The following OTOGL variants were observed in gnomAD, a reference collection of about 807,000 sequenced individuals.
OTOGL encodes the protein otogelin like.
In OTOGL, 285 loss-of-function variants were observed where a neutral mutation model predicts 318.5. The observed-to-expected ratio is 0.89, with a 90% CI of 0.81 to 0.99. The LOEUF (loss-of-function observed/expected upper bound fraction) is 0.99, where lower values mean the gene tolerates loss of function less well. Ranked by LOEUF, OTOGL falls within the 50% of genes least tolerant of loss-of-function variation. The pLI, the probability that OTOGL is intolerant of heterozygous loss-of-function variation, is 0.00. For missense variants in OTOGL, 2,899 were observed against 2,845.6 expected (o/e 1.02, Z -0.43); for synonymous variants, 987 against 936.5 (o/e 1.05, Z -0.99).
Position 80,270,052 on chromosome 12 carries a change from A to G in OTOGL, c.2466-50A>G, listed in dbSNP as rs746274180. 2.7e-4 allele frequency: 386 copies of G among 1,411,864 alleles called. 3 individuals carry two copies. The African/African-American group carries it at 5.2e-3, about 19-fold the overall frequency. The allele number at this position is 1,411,864 out of a possible 1,614,324, so 87.5% of individuals were successfully genotyped here. A position where few individuals can be genotyped will look rare whatever the true frequency, so the allele number is the denominator to read the frequency against. ...TTGTTGTCGAAATTCAGGGAAAAAA[A>G]AAAAAACAACAGATTTGGTTCCATA... On this transcript the variant is annotated intron_variant, in intron 22 of 58. Transcript: ENST00000547103.
At chr12:80,172,908 G>A (rs1352118348) in intron 1 of OTOGL, among the ~76,000 whole-genome samples, 1 of 152,152 alleles carries the variant, frequency 6.6e-6, no homozygotes, top group Non-Finnish European at 1.5e-5. Context: ...ACACATGGTG[G>A]AGAACAACAC....
chr12:80,358,477 C>T lies in OTOGL; in HGVS notation c.6121+128C>T, dbSNP rs1452901621. 5 of 848,952 alleles carry T rather than the reference C, an allele frequency of 5.9e-6. No homozygotes were observed. The East Asian group carries it at 1.3e-4, about 23-fold the overall frequency. 52.6% of individuals were successfully genotyped at this position (848,952 alleles called of 1,614,324 possible). A position where few individuals can be genotyped will look rare whatever the true frequency, so the allele number is the denominator to read the frequency against. On this transcript the variant is annotated intron_variant, in intron 50 of 58. Coordinates refer to ENST00000547103, the MANE Select transcript of OTOGL (RefSeq NM_001378609.3). ...TTCATTTGATGAGCTATCCTAGCAC[C>T]AGTACTCTTTTTGTACCTGTTTATA...
At chr12:80,258,593 G>A (rs968699731) in intron 18 of OTOGL, among the ~76,000 whole-genome samples, 21 of 152,120 alleles carry the variant, frequency 1.4e-4, no homozygotes, top group African/African-American at 4.8e-4. Context: ...GTGAAAAGAA[G>A]CAGTTTATAA....
At chr12:80,176,163 G>T (rs1874510811) in intron 1 of OTOGL, among the ~76,000 whole-genome samples, 1 of 152,112 alleles carries the variant, frequency 6.6e-6, no homozygotes, top group Admixed American at 6.6e-5. Flanking sequence ...GAAGTTTTCA[G>T]GCTTTACTGC....
chr12:80,210,736 C>T (rs1877181981), intron 2 of OTOGL, 111 bp from the exon 3 acceptor site: 2 of 826,094 alleles, frequency 2.4e-6, no homozygotes, highest in South Asian at 2.6e-5. Flanking sequence ...TAACAGCAAA[C>T]TTCAATCAGA....
intron 1 of OTOGL, among the ~76,000 whole-genome samples, chr12:80,195,425 A>C (rs1875989295): frequency 6.6e-6 from 1 of 152,236 alleles, no homozygotes; most frequent in Non-Finnish European, 1.5e-5. Flanking sequence ...ATATAAGGTC[A>C]TGCTAAAGGG....
rs188919278 is a variant in OTOGL at position 80,348,218 on chromosome 12, G to T, written c.5266-4077G>T. 1.1e-4 allele frequency among the ~76,000 whole-genome samples: 16 copies of T among 152,252 alleles called. No homozygotes were observed. In the East Asian group the frequency reaches 2.9e-3, roughly 28 times the overall value. On this transcript the variant is annotated intron_variant, in intron 44 of 58. Coordinates refer to ENST00000547103, the MANE Select transcript of OTOGL (RefSeq NM_001378609.3). ...GCCCATGACTGTCCTGAATGATATT[G>T]CCTAGGTTTTCCTCTAGGGTTTTTA...
chr12:80,277,178 A>T (rs1883872632), intron 24 of OTOGL, among the ~76,000 whole-genome samples: 1 of 147,330 alleles, frequency 6.8e-6, no homozygotes, highest in Admixed American at 6.8e-5. Context: ...TTATTTAAAT[A>T]ATGACAACTA....
intron 1 of OTOGL, among the ~76,000 whole-genome samples, chr12:80,202,649 A>AT (rs976714507): frequency 1.3e-5 from 2 of 151,720 alleles, no homozygotes; most frequent in Non-Finnish European, 2.9e-5. Flanking sequence ...CCAATTCTCC[A>AT]TTTTTTTCTA....
rs376005931 is a variant in OTOGL at position 80,195,963 on chromosome 12, T to C, written c.-19-13450T>C. Among the ~76,000 whole-genome samples the C allele has an allele frequency of 2.6e-5, 4 of 152,356 alleles. No homozygotes were observed. The East Asian group carries it at 7.7e-4, about 29-fold the overall frequency. On this transcript the variant is annotated intron_variant, in intron 1 of 58. Transcript: ENST00000547103. ...TTGAGAACTGTGTCATCTAAAATCA[T>C]GAATACATTCTCATGCCTGTTCATG...
intron 4 of OTOGL, among the ~76,000 whole-genome samples, chr12:80,214,364 T>C (rs139960142): frequency 1.3e-5 from 2 of 152,358 alleles, no homozygotes; most frequent in East Asian, 3.9e-4. Context: ...TGAAGAACCA[T>C]GTAGAATGCG....
intron 32 of OTOGL, among the ~76,000 whole-genome samples, chr12:80,317,985 C>G (rs1887079110): frequency 6.6e-6 from 1 of 152,086 alleles, no homozygotes; most frequent in South Asian, 2.1e-4. Flanking sequence ...TGCTGTGTCC[C>G]AGATGATGGG....
intron 11 of OTOGL, among the ~76,000 whole-genome samples, chr12:80,244,231 A>G (rs1880657726): frequency 6.6e-6 from 1 of 151,106 alleles, no homozygotes; most frequent in Non-Finnish European, 1.5e-5. Context: ...CAGGTTAGTT[A>G]CATATGTATA....
chr12:80,101,993 C>A (rs1277910532), intron 1 of OTOGL, among the ~76,000 whole-genome samples: 1 of 152,112 alleles, frequency 6.6e-6, no homozygotes, highest in Non-Finnish European at 1.5e-5. Flanking sequence ...GTTCTTAATT[C>A]TGAAATGTAA....
intron 1 of OTOGL, among the ~76,000 whole-genome samples, chr12:80,156,089 G>C (rs1417780537): frequency 3.3e-5 from 5 of 152,214 alleles, no homozygotes; most frequent in Admixed American, 6.5e-5. Flanking sequence ...TGCCTGTGAA[G>C]GTGTTGCCAA....
intron 1 of OTOGL, among the ~76,000 whole-genome samples, chr12:80,150,740 C>G (rs1872734658): frequency 6.6e-6 from 1 of 152,194 alleles, no homozygotes; most frequent in African/African-American, 2.4e-5. Context: ...AAGATGTATC[C>G]ACCCATAACT....
intron 1 of OTOGL, among the ~76,000 whole-genome samples, chr12:80,134,337 C>T (rs1178054923): frequency 6.6e-6 from 1 of 152,192 alleles, no homozygotes; most frequent in Non-Finnish European, 1.5e-5. Flanking sequence ...CTTTAGGGAC[C>T]TGCTATCATT....
intron 1 of OTOGL, among the ~76,000 whole-genome samples, chr12:80,164,736 G>C (rs1873729504): frequency 6.6e-6 from 1 of 152,082 alleles, no homozygotes; most frequent in South Asian, 2.1e-4. Flanking sequence ...ACCACTTCAT[G>C]AGCCCATGGC....
At chr12:80,256,208 T>C (rs959284333) in intron 16 of OTOGL, 129 bp from the exon 17 acceptor site, 1 of 1,124,066 alleles carries the variant, frequency 8.9e-7, no homozygotes, top group Admixed American at 2.9e-5. Context: ...TTATATGCAC[T>C]CTCTTTCTTT....
Sources: gnomAD v4.1 joint callset for allele counts (sites outside exome capture counted in the v4.1 genomes callset) on GRCh38, gnomAD v4.1.1 for gene constraint, MANE v1.5 for transcripts, NCBI Gene and HGNC (gene_info 2026-07-23, HGNC 2026-07-21) for gene names.